The following SAMD12 variants were observed in gnomAD, a reference collection of about 807,000 sequenced individuals.
SAMD12 encodes sterile alpha motif domain containing 12.
SAMD12 carries 9 observed loss-of-function variants against 15.0 expected under a neutral mutation model. The observed-to-expected ratio is 0.60, with a 90% confidence interval of 0.36 to 1.05. The LOEUF is 1.05. Ranked by LOEUF, SAMD12 falls within the 50% of genes least tolerant of loss-of-function variation. The probability of loss-of-function intolerance (pLI) is 0.01; values close to 1 mark genes in which losing one functional copy is unlikely to be tolerated. For missense variants in SAMD12, 230 were observed against 234.2 expected (o/e 0.98, Z 0.12); for synonymous variants, 86 against 90.1 (o/e 0.96, Z 0.25).
the SAMD12 span, among the ~76,000 whole-genome samples, chr8:118,173,329 G>T: frequency 1.3e-5 from 2 of 152,088 alleles, no homozygotes; most frequent in Admixed American, 1.3e-4. Context: ...CTTTATGGAG[G>T]TGGAGAGCAG....
intron 2 of SAMD12, among the ~76,000 whole-genome samples, chr8:118,498,776 T>A (rs1824698472): frequency 6.6e-6 from 1 of 152,250 alleles, no homozygotes; most frequent in Non-Finnish European, 1.5e-5. Context: ...TGTTTACTCA[T>A]TCACCCAACA....
chr8:118,520,239 TA>T (rs142813017), intron 2 of SAMD12, among the ~76,000 whole-genome samples: 22,434 of 152,080 alleles, frequency 0.15, 1,719 homozygotes, highest in South Asian at 0.27. Flanking sequence ...AAAACACACA[TA>T]AAAATATCTT....
intron 4 of SAMD12, among the ~76,000 whole-genome samples, chr8:118,352,679 G>A (rs552320388): frequency 5.1e-4 from 77 of 152,246 alleles, no homozygotes; most frequent in Admixed American, 2.2e-3. Context: ...GCAATAAAAC[G>A]ATCAATAGGA....
intron 2 of SAMD12, among the ~76,000 whole-genome samples, chr8:118,485,259 T>A (rs1824244522): frequency 6.6e-6 from 1 of 152,130 alleles, no homozygotes; most frequent in South Asian, 2.1e-4. Context: ...TTTCACCAAG[T>A]CAGTACTCCT....
chr8:118,564,464 C>G (rs1478903202), intron 2 of SAMD12, among the ~76,000 whole-genome samples: 1 of 152,118 alleles, frequency 6.6e-6, no homozygotes, highest in Non-Finnish European at 1.5e-5. Context: ...TGCTGGGACC[C>G]AGGAGAAAAG....
At chr8:118,286,674 G>C (rs1814041338) in intron 4 of SAMD12, among the ~76,000 whole-genome samples, 5 of 152,186 alleles carry the variant, frequency 3.3e-5, no homozygotes, top group Admixed American at 2.6e-4. Flanking sequence ...GGATTGATCA[G>C]GGGAGGAAGA....
chr8:118,234,660 A>T (rs1157924979), intron 4 of SAMD12, among the ~76,000 whole-genome samples: 1 of 150,514 alleles, frequency 6.6e-6, no homozygotes, highest in African/African-American at 2.5e-5. Context: ...GCCGTGAGAC[A>T]AGATCATGCC....
chr8:118,357,108 G>A (rs949149955), intron 4 of SAMD12, among the ~76,000 whole-genome samples: 1 of 152,182 alleles, frequency 6.6e-6, no homozygotes, highest in Admixed American at 6.5e-5. Context: ...TCACTCCCTT[G>A]TTTAAATTGA....
At chr8:118,303,873 A>T (rs1815173138) in intron 4 of SAMD12, among the ~76,000 whole-genome samples, 2 of 152,172 alleles carry the variant, frequency 1.3e-5, no homozygotes, top group Admixed American at 6.5e-5. Flanking sequence ...TTTTCACAGA[A>T]ATGGTCTTAG....
the SAMD12 span, among the ~76,000 whole-genome samples, chr8:118,181,439 A>G: frequency 6.6e-6 from 1 of 152,090 alleles, no homozygotes; most frequent in South Asian, 2.1e-4. Context: ...CAATCTGGGG[A>G]TCCACTTTCC....
chr8:118,584,561 G>A (rs2131266169), intron 1 of SAMD12, among the ~76,000 whole-genome samples: 1 of 152,228 alleles, frequency 6.6e-6, no homozygotes, highest in African/African-American at 2.4e-5. Context: ...CAGGCAGCTT[G>A]TGGTCTTTAT....
chr8:118,570,736 C>T (rs1463119133), intron 2 of SAMD12, among the ~76,000 whole-genome samples: 4 of 152,092 alleles, frequency 2.6e-5, no homozygotes, highest in Admixed American at 6.5e-5. Flanking sequence ...ATGAGATTCC[C>T]GGGTCATATG....
At chr8:118,431,951 T>C (rs1212107134) in intron 3 of SAMD12, among the ~76,000 whole-genome samples, 2 of 152,128 alleles carry the variant, frequency 1.3e-5, no homozygotes, top group African/African-American at 2.4e-5. Flanking sequence ...CATTTTACTC[T>C]TTGTATTTTG....
At chr8:118,431,609 T>C (rs764583104) in intron 3 of SAMD12, among the ~76,000 whole-genome samples, 1 of 152,132 alleles carries the variant, frequency 6.6e-6, no homozygotes, top group Non-Finnish European at 1.5e-5. Flanking sequence ...GGAATTCTTA[T>C]CTTTTCTCTG....
rs1024186792 is a variant in SAMD12, at chr8:118,215,719, G to T, written c.434-17987C>A. Among the ~76,000 whole-genome samples, 79 of 151,512 alleles carry T rather than the reference G, an allele frequency of 5.2e-4. 1 individual carries two copies. The highest frequency in any genetic ancestry group is 1.5e-5 in the Non-Finnish European group (1 of 67,872). ...TATGAGTGAGAATATGCAGTGTTTG[G>T]TTTTTTGTTCTTGTGATAGTTTACT... On this transcript the variant is annotated intron_variant, in intron 4 of 4. Transcript: ENST00000409003.
At chr8:118,214,420 T>C (rs1370640465) in intron 4 of SAMD12, among the ~76,000 whole-genome samples, 1 of 152,220 alleles carries the variant, frequency 6.6e-6, no homozygotes, top group African/African-American at 2.4e-5. Flanking sequence ...GCATGTTAGC[T>C]GATGGTCATA....
chr8:118,313,642 G>T (rs538876023), intron 4 of SAMD12, among the ~76,000 whole-genome samples: 1 of 152,150 alleles, frequency 6.6e-6, no homozygotes, highest in African/African-American at 2.4e-5. Flanking sequence ...AAGCAATATG[G>T]TTCCTCCAAG....
intron 1 of SAMD12, among the ~76,000 whole-genome samples, chr8:118,589,545 G>A (rs1247176853): frequency 5.3e-5 from 8 of 152,202 alleles, no homozygotes; most frequent in Non-Finnish European, 1.2e-4. Context: ...TGCAGAATCA[G>A]TAAAGTGGGG....
intron 2 of SAMD12, among the ~76,000 whole-genome samples, chr8:118,450,638 A>G (rs1351598736): frequency 1.3e-5 from 2 of 152,224 alleles, no homozygotes; most frequent in Non-Finnish European, 2.9e-5. Flanking sequence ...CTTTGGAATA[A>G]CAATGTGGTA....
Sources: allele counts gnomAD v4.1 joint callset (sites outside exome capture counted in the v4.1 genomes callset), GRCh38; gene constraint gnomAD v4.1.1; transcripts MANE v1.5; gene names NCBI Gene and HGNC (gene_info 2026-07-23, HGNC 2026-07-21).